The following KLHL13 variants were observed in gnomAD, a reference collection of about 807,000 sequenced individuals.
KLHL13 encodes kelch like family member 13.
KLHL13 carries 10 observed loss-of-function variants against 37.1 expected under a neutral mutation model. The ratio of observed to expected loss-of-function variants is 0.27; its 90% confidence interval spans 0.17 to 0.46. The LOEUF is 0.46. Among genes scored for constraint, KLHL13 ranks in the 20% least tolerant of loss-of-function variants. The pLI, the probability that KLHL13 is intolerant of heterozygous loss-of-function variation, is 1.00. For synonymous variants in KLHL13, 163 were observed against 181.2 expected, an observed-to-expected ratio of 0.90 and a Z score of 0.81; for missense variants, 360 against 509.3, an observed-to-expected ratio of 0.71 and a Z score of 2.82.
chrX:118,019,512 C>T (rs2054173393), intron 1 of KLHL13, among the ~76,000 whole-genome samples: 1 of 110,740 alleles, frequency 9.0e-6, no homozygotes. Flanking sequence ...TCCCATTTGT[C>T]AATTTTGGCT....
intron 1 of KLHL13, among the ~76,000 whole-genome samples, chrX:118,010,052 A>G (rs1355481596): frequency 1.8e-5 from 2 of 109,026 alleles, no homozygotes; most frequent in Non-Finnish European, 3.8e-5. Flanking sequence ...ACCATCTCAC[A>G]CCAGTTAGAA....
intron 1 of KLHL13, among the ~76,000 whole-genome samples, chrX:118,093,130 T>C (rs1388223696): frequency 9.0e-6 from 1 of 111,646 alleles, no homozygotes; most frequent in East Asian, 2.8e-4. Context: ...CCTCCACTAG[T>C]TGATAACAAT....
intron 1 of KLHL13, among the ~76,000 whole-genome samples, chrX:117,986,049 T>C (rs1022136744): frequency 1.1e-4 from 12 of 111,573 alleles, no homozygotes; most frequent in African/African-American, 3.3e-4. Flanking sequence ...TTAGGTACTA[T>C]GTTGGGTGGT....
chrX:118,053,850 GAGAGA>G (rs2054653460), intron 1 of KLHL13, among the ~76,000 whole-genome samples: 1 of 3,749 alleles, frequency 2.7e-4, no homozygotes, highest in African/African-American at 6.5e-4. Context: ...AGAGAGAGAG[GAGAGA>G]GAGAGAGAGA....
In KLHL13 at chrX:118,105,530, G is replaced by A. The variant is rs143633689; in HGVS notation, c.-56+10978C>T. Reference sequence around the variant, plus strand: ...CAATGCATCAGATGCACTTGGAAGGGTCCCAGGCTCATAATGAGTGCAATA... The same window carrying A: ...CAATGCATCAGATGCACTTGGAAGGATCCCAGGCTCATAATGAGTGCAATA... On this transcript the variant is annotated intron_variant, in intron 1 of 6. Transcript: ENST00000371882. Among the ~76,000 whole-genome samples the A allele has an allele frequency of 7.5e-3, 841 of 112,550 alleles. 4 individuals are homozygous for A. Among genetic ancestry groups the A allele is most frequent in the Middle Eastern group, 0.014 (3 of 218 alleles).
At chrX:117,983,504 T>A (rs764890359) in intron 1 of KLHL13, 1 of 1,149,066 alleles carries the variant, frequency 8.7e-7, no homozygotes, top group Admixed American at 2.6e-5. Context: ...TTTGAATATA[T>A]CCTTGAAATC....
intron 1 of KLHL13, among the ~76,000 whole-genome samples, chrX:118,044,514 G>A (rs900809589): frequency 9.3e-6 from 1 of 107,804 alleles, no homozygotes; most frequent in Admixed American, 9.8e-5. Context: ...AACCAAAACA[G>A]CATGGTGCTG....
intron 1 of KLHL13, among the ~76,000 whole-genome samples, chrX:117,990,125 T>G (rs1327975725): frequency 9.0e-6 from 1 of 111,724 alleles, no homozygotes; most frequent in Admixed American, 9.5e-5. Context: ...CTCCCAAAAC[T>G]AAGATTTGAA....
At chrX:117,943,835 G>T (rs185671739) in intron 2 of KLHL13, among the ~76,000 whole-genome samples, 1 of 110,230 alleles carries the variant, frequency 9.1e-6, no homozygotes, top group East Asian at 2.9e-4. Context: ...CTGTCAGTTT[G>T]TCAAACTCAT....
exon 3 of KLHL13, chrX:117,920,351 A>G: frequency 8.3e-7 from 1 of 1,207,245 alleles, no homozygotes; most frequent in Non-Finnish European, 1.1e-6. Flanking sequence ...CAATCCTTCA[A>G]GTCGAAGCTG....
At chrX:118,053,200 T>C (rs954875992) in intron 1 of KLHL13, among the ~76,000 whole-genome samples, 1 of 112,306 alleles carries the variant, frequency 8.9e-6, no homozygotes, top group Non-Finnish European at 1.9e-5. Context: ...CGTATATTTA[T>C]TGCAGCACTA....
At chrX:118,030,906 G>T (rs1156609122) in intron 1 of KLHL13, among the ~76,000 whole-genome samples, 1 of 111,784 alleles carries the variant, frequency 8.9e-6, no homozygotes, top group African/African-American at 3.2e-5. Flanking sequence ...CTCTGTTATA[G>T]CAGCACAAAA....
intron 1 of KLHL13, among the ~76,000 whole-genome samples, chrX:117,989,075 G>T (rs2053758481): frequency 9.0e-6 from 1 of 111,216 alleles, no homozygotes; most frequent in Admixed American, 9.6e-5. Flanking sequence ...AGACATAGAG[G>T]GTTAATGAGG....
intron 1 of KLHL13, among the ~76,000 whole-genome samples, chrX:118,003,904 G>T: frequency 9.1e-6 from 1 of 110,492 alleles, no homozygotes; most frequent in East Asian, 2.9e-4. Context: ...TCTTTGTGGG[G>T]CTTGAGAAGA....
intron 1 of KLHL13, among the ~76,000 whole-genome samples, chrX:117,962,050 T>G (rs1188280594): frequency 9.5e-6 from 1 of 105,817 alleles, no homozygotes; most frequent in Non-Finnish European, 1.9e-5. Flanking sequence ...CAAATAATAA[T>G]AATAATAATA....
intron 2 of KLHL13, among the ~76,000 whole-genome samples, chrX:117,933,940 A>T (rs749717984): frequency 5.4e-5 from 6 of 110,968 alleles, no homozygotes; most frequent in Non-Finnish European, 1.1e-4. Flanking sequence ...TACACCATGG[A>T]ATACTATACA....
rs182723243 is a variant in KLHL13 at position 117,967,917 on chromosome X, G to A, written c.98+4814C>T. On this transcript the variant is annotated intron_variant, in intron 1 of 6. Transcript: ENST00000262820. ...CAATTTGCAAACTGTAAATTCACTA[G>A]GGGACAGTGTGAATCCTATAATTAA... Among the ~76,000 whole-genome samples, 17 of 111,527 alleles carry A rather than the reference G, an allele frequency of 1.5e-4. No individual in the cohort carries two copies. In the East Asian group the frequency reaches 4.3e-3, roughly 28 times the overall value.
At chrX:118,101,483 G>A (rs2055288149) in intron 1 of KLHL13, among the ~76,000 whole-genome samples, 1 of 111,612 alleles carries the variant, frequency 9.0e-6, no homozygotes, top group Admixed American at 9.5e-5. Context: ...AGAGAGTCAT[G>A]AACAATACTA....
At chrX:118,053,409 A>G (rs1468209255) in intron 1 of KLHL13, among the ~76,000 whole-genome samples, 3 of 111,370 alleles carry the variant, frequency 2.7e-5, no homozygotes, top group Admixed American at 9.5e-5. Flanking sequence ...CAAACACCGA[A>G]TGTTCTCACT....
Sources: gnomAD v4.1 joint callset for allele counts (sites outside exome capture counted in the v4.1 genomes callset) on GRCh38, gnomAD v4.1.1 for gene constraint, MANE v1.5 for transcripts, NCBI Gene and HGNC (gene_info 2026-07-23, HGNC 2026-07-21) for gene names.